The following RAD54L variants were observed in gnomAD, a reference collection of about 807,000 sequenced individuals.
The protein encoded by RAD54L is DNA repair and recombination protein RAD54-like.
RAD54L carries 74 observed loss-of-function variants against 91.6 expected under a neutral mutation model. The ratio of observed to expected loss-of-function variants is 0.81; its 90% CI spans 0.67 to 0.98. The LOEUF (loss-of-function observed/expected upper bound fraction) is 0.98. RAD54L is among the 50% of genes least tolerant of loss of function. The pLI is 0.00. For synonymous variants in RAD54L, 304 were observed against 349.7 expected, an observed-to-expected ratio of 0.87 and a Z score of 1.46; for missense variants, 887 against 945.7, an observed-to-expected ratio of 0.94 and a Z score of 0.81.
intron 6 of RAD54L, 56 bp downstream of exon 6, chr1:46,260,667 C>A (rs1290003467): frequency 6.2e-7 from 1 of 1,613,422 alleles, no homozygotes; most frequent in Non-Finnish European, 8.5e-7. Context: ...TGGGAGACTA[C>A]CATCCCTGGG....
chr1:46,271,572 C>T (rs959199633), intron 10 of RAD54L, among the ~76,000 whole-genome samples: 2 of 151,892 alleles, frequency 1.3e-5, no homozygotes, highest in African/African-American at 2.4e-5. Context: ...GCTGGAGAAT[C>T]GCTTGAACTC....
chr1:46,274,606 C>A lies in RAD54L; in HGVS notation c.1758C>A (p.Asn586Lys), dbSNP rs1298681101. The change falls in exon 16 of 18, where the codon AAC (asparagine) becomes AAA (lysine). Residue 586 changes from asparagine (N) to lysine (K), a missense_variant. Transcript: ENST00000371975. ...GTGGCCTCAATCTCATTGGGGCTAA[C>A]CGGCTGGTCATGTTTGACCCTGACT... is the stretch of plus-strand genomic sequence containing the variant. ...GGCGLNLIGANRLVMFDPDWN... is the reference protein window; with the variant it reads ...GGCGLNLIGAKRLVMFDPDWN... 2 of 1,613,758 alleles carry A rather than the reference C, an allele frequency of 1.2e-6. No homozygotes were observed. The highest frequency in any genetic ancestry group is 1.3e-5 in the African/African-American group (1 of 74,918).
chr1:46,249,334 A>G (rs1016006924), intron 2 of RAD54L, among the ~76,000 whole-genome samples: 2 of 152,164 alleles, frequency 1.3e-5, no homozygotes, highest in East Asian at 1.9e-4. Context: ...TGAGGCTTCA[A>G]ATATCCTGGC....
intron 3 of RAD54L, among the ~76,000 whole-genome samples, chr1:46,258,109 C>T (rs1261511754): frequency 6.6e-6 from 1 of 151,962 alleles, no homozygotes; most frequent in Non-Finnish European, 1.5e-5. Context: ...AACTCCCAGA[C>T]CTAAGTGATC....
At chr1:46,274,814 T>C (rs1660547972) in intron 16 of RAD54L, 97 bp downstream of exon 16, 1 of 1,462,602 alleles carries the variant, frequency 6.8e-7, no homozygotes, top group Non-Finnish European at 9.5e-7. Context: ...CCTTTCTGCC[T>C]CTAGCAGTAG....
chr1:46,268,792 CAG>C (rs1660336898), intron 9 of RAD54L, among the ~76,000 whole-genome samples: 3 of 152,308 alleles, frequency 2.0e-5, no homozygotes, highest in African/African-American at 2.4e-5. Flanking sequence ...TTTGTTGAGA[CAG>C]AGTCTCTGTT....
chr1:46,251,035 G>A (rs1362323685), intron 3 of RAD54L, among the ~76,000 whole-genome samples: 3 of 150,926 alleles, frequency 2.0e-5, no homozygotes, highest in Non-Finnish European at 2.9e-5. Flanking sequence ...TGGGCCAGGC[G>A]CAGTGGCTCA....
rs564966084 is a variant in RAD54L, at chr1:46,258,811, A to G, written c.271+65A>G. On this transcript the variant is annotated intron_variant, in intron 4 of 17. Coordinates refer to ENST00000371975, the MANE Select transcript of RAD54L (RefSeq NM_003579.4). The stretch of plus-strand genomic sequence containing the variant: ...GTACGTGTGCCTGAATAAATTAAAA[A>G]CCTGCTTTTGTAAATACAAGCTTAG... 4 of 1,301,464 alleles carry G rather than the reference A, an allele frequency of 3.1e-6. No individual in the cohort carries two copies. In the Admixed American group the frequency reaches 5.1e-5, roughly 17 times the overall value. 80.6% of individuals were successfully genotyped at this position (1,301,464 alleles called of 1,614,324 possible).
chr1:46,271,806 C>G (rs1430962815), intron 10 of RAD54L, among the ~76,000 whole-genome samples: 2 of 152,096 alleles, frequency 1.3e-5, no homozygotes, highest in African/African-American at 2.4e-5. Flanking sequence ...GGCATTTGGA[C>G]AAATGCAAGC....
rs58566416 is a variant in RAD54L, at chr1:46,255,262, G to C, written c.211-3424G>C. Reference sequence around the variant, plus strand: ...ATGCTGGTAAGAGCTAGTAGAGAGGGAGAGGTTGAGATACAAGAGTGATCA... The same window carrying C: ...ATGCTGGTAAGAGCTAGTAGAGAGGCAGAGGTTGAGATACAAGAGTGATCA... On this transcript the variant is annotated intron_variant, in intron 3 of 17. Transcript: ENST00000371975. Among the ~76,000 whole-genome samples, 188 of 152,288 alleles carry C rather than the reference G, an allele frequency of 1.2e-3. 1 individual carries two copies. Among genetic ancestry groups the C allele is most frequent in the African/African-American group, 4.4e-3 (182 of 41,564 alleles).
intron 10 of RAD54L, 77 bp from the exon 11 acceptor site, chr1:46,272,389 T>C: frequency 7.8e-7 from 1 of 1,285,880 alleles, no homozygotes; most frequent in Non-Finnish European, 1.1e-6. Flanking sequence ...TCTTGGTCCT[T>C]TGGGTGGTAG....
At chr1:46,260,238 C>T in intron 5 of RAD54L, 139 bp downstream of exon 5, 12 of 1,363,676 alleles carry the variant, frequency 8.8e-6, no homozygotes, top group Non-Finnish European at 1.2e-5. Context: ...GGGAAGGAGA[C>T]TGCCTGGGGA....
Position 46,261,113 on chromosome 1 carries a change from G to A in RAD54L, c.766+98G>A, listed in dbSNP as rs1027586051. The A allele has an allele frequency of 9.7e-6, 15 of 1,544,126 alleles. No individual in the cohort carries two copies. In the African/African-American group the frequency reaches 1.9e-4, roughly 20 times the overall value. On this transcript the variant is annotated intron_variant, in intron 7 of 17. Coordinates refer to ENST00000371975, the MANE Select transcript of RAD54L (RefSeq NM_003579.4). ...TGGCCAGGGTGGAGGGCAATGCAGG[G>A]GTAGAAGAAAAGAGAATTTCCATTG... is the stretch of plus-strand genomic sequence containing the variant.
chr1:46,257,129 G>A, intron 3 of RAD54L, among the ~76,000 whole-genome samples: 1 of 122,658 alleles, frequency 8.2e-6, no homozygotes, highest in African/African-American at 3.2e-5. Context: ...GGGCAACAGA[G>A]CAAGACTCCA....
intron 7 of RAD54L, 89 bp downstream of exon 7, chr1:46,261,104 C>A: frequency 1.3e-6 from 2 of 1,548,614 alleles, no homozygotes; most frequent in African/African-American, 1.4e-5. Flanking sequence ...GGGTGGAGGG[C>A]AATGCAGGGG....
intron 3 of RAD54L, among the ~76,000 whole-genome samples, chr1:46,256,719 C>T (rs1223358606): frequency 6.6e-6 from 1 of 151,670 alleles, no homozygotes; most frequent in Non-Finnish European, 1.5e-5. Context: ...TTTTTGCCAA[C>T]TTTGCCTTTA....
At chr1:46,267,895 T>C (rs1365270504) in intron 9 of RAD54L, among the ~76,000 whole-genome samples, 1 of 152,126 alleles carries the variant, frequency 6.6e-6, no homozygotes, top group Non-Finnish European at 1.5e-5. Context: ...ATTATTTTTG[T>C]TCCTCAGATC....
chr1:46,260,024 A>G lies in RAD54L; in HGVS notation c.332A>G (p.Asp111Gly). The G allele has an allele frequency of 6.2e-7, 1 of 1,613,646 alleles. No homozygotes were observed. The highest frequency in any genetic ancestry group is 8.5e-7 in the Non-Finnish European group (1 of 1,179,900). ...GCTGGGGTCCGCCGGGCCCTCCATG[A>G]CCCCCTGGAAAAAGATGCCTTGGTT... Reference protein sequence around the residue: ...KRAGVRRALHDPLEKDALVLY... With the variant: ...KRAGVRRALHGPLEKDALVLY... The change falls in exon 5 of 18, where the codon GAC (aspartate) becomes GGC (glycine). Residue 111 changes from aspartate (D) to glycine (G), a missense_variant. Physicochemically the swap from Asp to Gly is moderately conservative, Grantham distance 94. Transcript: ENST00000371975.
chr1:46,259,330 A>G (rs1483075342), intron 4 of RAD54L, among the ~76,000 whole-genome samples: 2 of 152,156 alleles, frequency 1.3e-5, no homozygotes, highest in African/African-American at 2.4e-5. Flanking sequence ...GCCAGCTCTC[A>G]GGAGCTCTCA....
Sources: allele counts gnomAD v4.1 joint callset (sites outside exome capture counted in the v4.1 genomes callset), GRCh38; gene constraint gnomAD v4.1.1; transcripts MANE v1.5; gene names NCBI Gene and HGNC (gene_info 2026-07-23, HGNC 2026-07-21).